The following PRKG1 variants were observed in gnomAD, a reference collection of about 807,000 sequenced individuals.
PRKG1 encodes cGMP-dependent protein kinase 1.
In PRKG1, 35 loss-of-function variants were observed where a neutral mutation model predicts 88.1. The observed-to-expected ratio is 0.40, with a 90% CI of 0.30 to 0.53. The LOEUF is 0.53. Ranked by LOEUF, PRKG1 falls within the 20% of genes least tolerant of loss-of-function variation. PRKG1 has a pLI of 0.59. For synonymous variants in PRKG1, 303 were observed against 292.5 expected (o/e 1.04, Z -0.37); for missense variants, 540 against 839.8 (o/e 0.64, Z 4.41).
intron 4 of PRKG1, among the ~76,000 whole-genome samples, chr10:51,853,517 T>A (rs1476632476): frequency 2.0e-5 from 3 of 152,182 alleles, no homozygotes; most frequent in Non-Finnish European, 4.4e-5. Context: ...ACATTTTCAA[T>A]TGTCTATTAG....
chr10:51,667,513 C>G (rs1840450691), intron 3 of PRKG1, among the ~76,000 whole-genome samples: 1 of 152,116 alleles, frequency 6.6e-6, no homozygotes, highest in South Asian at 2.1e-4. Flanking sequence ...ATAGGGAACA[C>G]TCTTACTGAG....
upstream of PRKG1, among the ~76,000 whole-genome samples, chr10:51,073,462 C>T (rs1177387309): frequency 6.6e-6 from 1 of 151,990 alleles, no homozygotes; most frequent in Non-Finnish European, 1.5e-5. Context: ...TTTTGGAGCT[C>T]GGGAATGATT....
chr10:51,580,829 G>A (rs1456098506), intron 3 of PRKG1, among the ~76,000 whole-genome samples: 1 of 152,052 alleles, frequency 6.6e-6, no homozygotes. Flanking sequence ...GTCAATTAGA[G>A]TGAAATGATT....
At chr10:52,203,832 A>G (rs1299559623) in intron 9 of PRKG1, among the ~76,000 whole-genome samples, 4 of 152,072 alleles carry the variant, frequency 2.6e-5, no homozygotes, top group Non-Finnish European at 5.9e-5. Context: ...TAGAATAGCA[A>G]CCCATGCTTT....
chr10:51,268,089 G>A (rs574432102), intron 2 of PRKG1, among the ~76,000 whole-genome samples: 7 of 152,218 alleles, frequency 4.6e-5, no homozygotes, highest in African/African-American at 1.2e-4. Context: ...AGCAGGTTCC[G>A]TGATGCCCCA....
chr10:52,097,110 A>T (rs1847190593), intron 7 of PRKG1, among the ~76,000 whole-genome samples: 1 of 152,182 alleles, frequency 6.6e-6, no homozygotes, highest in African/African-American at 2.4e-5. Context: ...TTGTTGAGTT[A>T]TACAGCTTAA....
chr10:51,769,268 A>G (rs937794769), intron 3 of PRKG1, among the ~76,000 whole-genome samples: 4 of 152,204 alleles, frequency 2.6e-5, no homozygotes, highest in African/African-American at 9.7e-5. Flanking sequence ...AAATTTTAGA[A>G]TTACTGCATT....
chr10:51,917,262 C>T (rs1242816229), intron 5 of PRKG1, among the ~76,000 whole-genome samples: 4 of 146,260 alleles, frequency 2.7e-5, no homozygotes, highest in Admixed American at 7.0e-5. Context: ...GAGGTTGCAG[C>T]GGGCCAAGAT....
At chr10:51,548,825 T>G (rs1379904448) in intron 3 of PRKG1, among the ~76,000 whole-genome samples, 1 of 152,104 alleles carries the variant, frequency 6.6e-6, no homozygotes, top group East Asian at 1.9e-4. Flanking sequence ...TTGATTCACA[T>G]AAAACTACAA....
intron 3 of PRKG1, among the ~76,000 whole-genome samples, chr10:51,691,946 T>C (rs1387833233): frequency 1.3e-5 from 2 of 152,194 alleles, no homozygotes. Flanking sequence ...GTTTCAATAG[T>C]GTAATTTCTC....
intron 2 of PRKG1, among the ~76,000 whole-genome samples, chr10:51,413,190 G>GT (rs1212903657): frequency 1.3e-5 from 2 of 152,056 alleles, no homozygotes; most frequent in Non-Finnish European, 2.9e-5. Context: ...ATCTTGAAGA[G>GT]TTTTTTGTTG....
At chr10:51,996,450 G>A (rs1325576080) in intron 5 of PRKG1, among the ~76,000 whole-genome samples, 2 of 151,182 alleles carry the variant, frequency 1.3e-5, no homozygotes, top group East Asian at 3.9e-4. Context: ...CAAATAACCT[G>A]ATTAAAGAAT....
intron 2 of PRKG1, among the ~76,000 whole-genome samples, chr10:51,459,362 C>A (rs2132793106): frequency 2.0e-5 from 3 of 152,214 alleles, no homozygotes; most frequent in Middle Eastern, 6.8e-3. Flanking sequence ...GAGACTTTCC[C>A]ACTGGCTTCT....
intron 5 of PRKG1, among the ~76,000 whole-genome samples, chr10:51,939,922 T>C (rs1415435557): frequency 6.6e-6 from 1 of 151,992 alleles, no homozygotes; most frequent in African/African-American, 2.4e-5. Context: ...TCAGAAAAAC[T>C]GAGACTATTT....
chr10:51,365,410 A>G (rs1842568476), intron 2 of PRKG1, among the ~76,000 whole-genome samples: 2 of 152,086 alleles, frequency 1.3e-5, no homozygotes, highest in East Asian at 1.9e-4. Flanking sequence ...GAAGGCAGTT[A>G]GTATAATGTC....
chr10:52,155,630 T>C (rs1043223337), intron 8 of PRKG1, among the ~76,000 whole-genome samples: 27 of 151,818 alleles, frequency 1.8e-4, no homozygotes, highest in African/African-American at 6.5e-4. Context: ...GGAGGATACA[T>C]GCCAAAGTGT....
At chr10:52,012,432 C>A (rs1223844705) in intron 5 of PRKG1, among the ~76,000 whole-genome samples, 1 of 152,062 alleles carries the variant, frequency 6.6e-6, no homozygotes, top group Non-Finnish European at 1.5e-5. Flanking sequence ...TTAGTAGAGA[C>A]AGGGTTTCAC....
chr10:51,307,637 G>T (rs552012458), intron 2 of PRKG1, among the ~76,000 whole-genome samples: 1 of 152,056 alleles, frequency 6.6e-6, no homozygotes, highest in African/African-American at 2.4e-5. Context: ...AGGCTGTCCC[G>T]AGTAGAGGCA....
At chr10:51,782,713 T>C (rs1182276438) in intron 3 of PRKG1, among the ~76,000 whole-genome samples, 1 of 152,126 alleles carries the variant, frequency 6.6e-6, no homozygotes, top group Non-Finnish European at 1.5e-5. Flanking sequence ...ATCTTATGGT[T>C]TTATCAGGGG....
Sources: gnomAD v4.1 joint callset for allele counts (sites outside exome capture counted in the v4.1 genomes callset) on GRCh38, gnomAD v4.1.1 for gene constraint, MANE v1.5 for transcripts, NCBI Gene and HGNC (gene_info 2026-07-23, HGNC 2026-07-21) for gene names.